The following ELFN1 variants were observed in gnomAD, a reference collection of about 807,000 sequenced individuals.
The protein encoded by ELFN1 is protein ELFN1.
A neutral mutation model predicts 7.6 loss-of-function variants in ELFN1; 6 were observed. The observed-to-expected ratio is 0.79, with a 90% confidence interval of 0.43 to 1.56. The LOEUF (loss-of-function observed/expected upper bound fraction) is 1.56, where lower values mean the gene tolerates loss of function less well. Ranked by LOEUF, ELFN1 falls within the 40% of genes most tolerant of loss-of-function variation. ELFN1 has a pLI of 0.01. For synonymous variants in ELFN1, 657 were observed against 588.1 expected, an observed-to-expected ratio of 1.12 and a Z score of -1.70; for missense variants, 1,169 against 1,232.2, an observed-to-expected ratio of 0.95 and a Z score of 0.77.
At chr7:1,696,600 G>A (rs546923331) in intron 2 of ELFN1, among the ~76,000 whole-genome samples, 6 of 152,106 alleles carry the variant, frequency 3.9e-5, no homozygotes, top group Admixed American at 3.3e-4. Context: ...ATGGAGTTTC[G>A]CTATGTTGCC....
At position 1,695,998 on chromosome 7, in the gene ELFN1, G is replaced by T. The variant is rs1024270909; in HGVS notation, c.-456+7848G>T. On this transcript the variant is annotated intron_variant, in intron 2 of 3. Coordinates refer to ENST00000424383, the MANE Select transcript of ELFN1 (RefSeq NM_001128636.4). The surrounding 1 kb of genome is among the most constrained non-coding windows in gnomAD (Gnocchi z 5.1). ...ACTCCTGCCTGCCTTTGTCGGCCCC[G>T]GCTCTCATAACAAAAGCGGGACACT... 1.3e-5 allele frequency among the ~76,000 whole-genome samples: 2 copies of T among 152,098 alleles called. No homozygotes were observed. Among genetic ancestry groups the T allele is most frequent in the East Asian group, 1.9e-4 (1 of 5,176 alleles).
At chr7:1,693,677 G>T (rs908701521) in intron 2 of ELFN1, 2 of 470,946 alleles carry the variant, frequency 4.2e-6, no homozygotes, top group Admixed American at 2.3e-5. Context: ...ATGCGTGCAT[G>T]CCCTCTGTGT....
intron 3 of ELFN1, among the ~76,000 whole-genome samples, chr7:1,724,990 G>T (rs1267052861): frequency 6.6e-6 from 1 of 152,218 alleles, no homozygotes; most frequent in Non-Finnish European, 1.5e-5. Context: ...CATGGCCCTG[G>T]CGAGGCCCCT....
intron 1 of ELFN1, among the ~76,000 whole-genome samples, chr7:1,684,358 C>T (rs1427225459): frequency 1.3e-5 from 2 of 152,168 alleles, no homozygotes; most frequent in Non-Finnish European, 2.9e-5. Flanking sequence ...CATTCCACCA[C>T]CTTCTTCCCC....
At chr7:1,678,085 C>T in intron 1 of ELFN1, among the ~76,000 whole-genome samples, 1 of 152,172 alleles carries the variant, frequency 6.6e-6, no homozygotes, top group African/African-American at 2.4e-5. Flanking sequence ...GTTCCCGCAC[C>T]CGAATCCACA....
chr7:1,729,662 G>A (rs534013862), intron 3 of ELFN1, among the ~76,000 whole-genome samples: 16 of 152,316 alleles, frequency 1.1e-4, no homozygotes, highest in African/African-American at 3.6e-4. Flanking sequence ...GCTAGACCCT[G>A]TGTCTCAGCA....
intron 3 of ELFN1, among the ~76,000 whole-genome samples, chr7:1,725,450 C>CGGGA (rs996428201): frequency 9.2e-6 from 1 of 108,592 alleles, no homozygotes; most frequent in African/African-American, 3.5e-5. Context: ...GCGAGACAGA[C>CGGGA]GGGAGGGAGG....
rs1202662828 is a variant in ELFN1 at position 1,695,757 on chromosome 7, A to AC, written c.-456+7607_-456+7608insC. 6.6e-6 allele frequency among the ~76,000 whole-genome samples: 1 copy of AC among 151,280 alleles called. No homozygotes were observed. The highest frequency in any genetic ancestry group is 1.5e-5 in the Non-Finnish European group (1 of 67,772). On this transcript the variant is annotated intron_variant, in intron 2 of 3. Coordinates refer to ENST00000424383, the MANE Select transcript of ELFN1 (RefSeq NM_001128636.4). The surrounding 1 kb of genome is among the most constrained non-coding windows in gnomAD (Gnocchi z 5.1). ...AGCGAGACTCCGTGTCAAAAAAAAAAAAAAAAAAAAAAAAACCGTGCTGGT... is the reference window on the plus strand; with the variant it reads ...AGCGAGACTCCGTGTCAAAAAAAAAACAAAAAAAAAAAAAAACCGTGCTGGT...
chr7:1,725,911 TCA>T (rs1409742442), intron 3 of ELFN1, among the ~76,000 whole-genome samples: 4 of 149,642 alleles, frequency 2.7e-5, no homozygotes, highest in Admixed American at 6.6e-5. Flanking sequence ...CACACAAAAA[TCA>T]CACACAACAC....
rs1007837017 is a variant in ELFN1, at chr7:1,670,374, G to A, written c.-549+20G>A. ...GGGCAGGTAAGCGGCGAGCGCGGCC[G>A]GGCGCTGAACCTGGGGGACTTGGGA... On this transcript the variant is annotated intron_variant, in intron 1 of 3. Coordinates refer to ENST00000424383, the MANE Select transcript of ELFN1 (RefSeq NM_001128636.4). The surrounding 1 kb of genome is among the most constrained non-coding windows in gnomAD (Gnocchi z 6.4). Among the ~76,000 whole-genome samples the A allele has an allele frequency of 6.6e-6, 1 of 151,414 alleles. No individual in the cohort carries two copies. The highest frequency in any genetic ancestry group is 6.6e-5 in the Admixed American group (1 of 15,232).
chr7:1,700,635 C>G (rs143041143), intron 2 of ELFN1, among the ~76,000 whole-genome samples: 1 of 152,198 alleles, frequency 6.6e-6, no homozygotes, highest in Non-Finnish European at 1.5e-5. Flanking sequence ...CTGCTTCACA[C>G]GTGTGGGACC....
At chr7:1,668,605 G>A (rs1228351988), upstream of ELFN1, among the ~76,000 whole-genome samples, 1 of 152,254 alleles carries the variant, frequency 6.6e-6, no homozygotes, top group East Asian at 1.9e-4. Flanking sequence ...GGGCCGACCA[G>A]CTTCTCCCTA....
At chr7:1,714,024 G>A (rs1779750311) in intron 3 of ELFN1, among the ~76,000 whole-genome samples, 2 of 152,176 alleles carry the variant, frequency 1.3e-5, no homozygotes, top group Admixed American at 1.3e-4. Context: ...AAAAGGTCAC[G>A]CCGGCTCCCC....
rs2082378362 is a variant in ELFN1, at chr7:1,708,886, C to T, written c.-455-205C>T. Reference sequence around the variant, plus strand: ...CTCCTCTCCCCTCTATCCCGGCTGGCACATGGCTCTGTGTGTCAGCCTGCT... The same window carrying T: ...CTCCTCTCCCCTCTATCCCGGCTGGTACATGGCTCTGTGTGTCAGCCTGCT... On this transcript the variant is annotated intron_variant, in intron 2 of 3. Transcript: ENST00000424383. 3.3e-5 allele frequency among the ~76,000 whole-genome samples: 5 copies of T among 152,318 alleles called. No homozygotes were observed. The South Asian group carries it at 1.0e-3, about 32-fold the overall frequency.
At chr7:1,726,044 ACACT>A (rs905786255) in intron 3 of ELFN1, among the ~76,000 whole-genome samples, 6 of 152,014 alleles carry the variant, frequency 3.9e-5, no homozygotes, top group African/African-American at 7.3e-5. Context: ...CGCAAAAATC[ACACT>A]CACACACAAT....
At chr7:1,728,325 G>A (rs1583382513) in intron 3 of ELFN1, among the ~76,000 whole-genome samples, 1 of 152,260 alleles carries the variant, frequency 6.6e-6, no homozygotes, top group South Asian at 2.1e-4. Flanking sequence ...CTAACAAGGG[G>A]CAGCCTCTTT....
chr7:1,715,660 C>T (rs914670356), intron 3 of ELFN1, among the ~76,000 whole-genome samples: 1 of 152,152 alleles, frequency 6.6e-6, no homozygotes. Context: ...TTAATTTCCT[C>T]CTGTAATTTA....
intron 2 of ELFN1, among the ~76,000 whole-genome samples, chr7:1,689,523 C>T (rs1425015793): frequency 6.6e-6 from 1 of 152,210 alleles, no homozygotes; most frequent in African/African-American, 2.4e-5. Context: ...CTGCAGAGGG[C>T]TCAGCTGGGC....
chr7:1,694,657 C>G (rs1444423312), intron 2 of ELFN1, among the ~76,000 whole-genome samples: 2 of 152,238 alleles, frequency 1.3e-5, no homozygotes, highest in Admixed American at 1.3e-4. Flanking sequence ...CCCAGACGCC[C>G]ACCTGCCCAG....
Sources: allele counts gnomAD v4.1 joint callset (sites outside exome capture counted in the v4.1 genomes callset), GRCh38; gene constraint gnomAD v4.1.1; non-coding constraint Gnocchi (gnomAD v3.1); transcripts MANE v1.5; gene names NCBI Gene and HGNC (gene_info 2026-07-23, HGNC 2026-07-21).